Variants in RBPJ observed in about 807,000 individuals in gnomAD.
RBPJ encodes the protein recombination signal binding protein for immunoglobulin kappa J region.
A neutral mutation model predicts 67.8 loss-of-function variants in RBPJ; 9 were observed. That is an observed-to-expected ratio of 0.13 (90% CI 0.08 to 0.23). The LOEUF (loss-of-function observed/expected upper bound fraction) is 0.23, where lower values mean the gene tolerates loss of function less well. Among genes scored for constraint, RBPJ ranks in the 10% least tolerant of loss-of-function variants. The pLI is 1.00. For missense variants in RBPJ, 305 were observed against 595.6 expected (o/e 0.51, Z 5.08); for synonymous variants, 198 against 203.3 (o/e 0.97, Z 0.22).
intron 1 of RBPJ, among the ~76,000 whole-genome samples, chr4:26,267,539 G>A (rs1187836705): frequency 6.6e-6 from 1 of 151,846 alleles, no homozygotes; most frequent in Non-Finnish European, 1.5e-5. Context: ...CACCTGGCAG[G>A]AAACTTCACA....
the RBPJ span, among the ~76,000 whole-genome samples, chr4:26,141,829 T>C: frequency 6.6e-6 from 1 of 152,164 alleles, no homozygotes; most frequent in South Asian, 2.1e-4. Context: ...AGCCTCCAGT[T>C]CCTGCCATTC....
intron 1 of RBPJ, among the ~76,000 whole-genome samples, chr4:26,299,551 G>A (rs1169190516): frequency 6.6e-6 from 1 of 151,296 alleles, no homozygotes; most frequent in Non-Finnish European, 1.5e-5. Context: ...TCATGTGGGA[G>A]AAAGAAAGGA....
At chr4:26,168,630 A>T (rs1716418798) in intron 1 of RBPJ, among the ~76,000 whole-genome samples, 1 of 152,120 alleles carries the variant, frequency 6.6e-6, no homozygotes, top group East Asian at 1.9e-4. Flanking sequence ...GCCTTGCTAG[A>T]TTGGGGAAGT....
intron 1 of RBPJ, among the ~76,000 whole-genome samples, chr4:26,363,085 T>A (rs936965168): frequency 4.6e-5 from 7 of 152,212 alleles, no homozygotes; most frequent in Non-Finnish European, 8.8e-5. Flanking sequence ...TAGTACAGTT[T>A]TTTTCTTTTC....
At chr4:26,161,097 C>T (rs1716068252), upstream of RBPJ, among the ~76,000 whole-genome samples, 1 of 152,194 alleles carries the variant, frequency 6.6e-6, no homozygotes, top group African/African-American at 2.4e-5. Flanking sequence ...ATAGAATGGG[C>T]AGAAGTGACA....
At chr4:26,384,416 TTAA>T (rs758808969) in intron 1 of RBPJ, 10 of 152,172 alleles carry the variant, frequency 6.6e-5, no homozygotes, top group Non-Finnish European at 1.5e-4. Flanking sequence ...ATCATCAAAG[TTAA>T]TAATCTTGTG....
At chr4:26,242,426 A>G (rs1326028847) in intron 1 of RBPJ, among the ~76,000 whole-genome samples, 13 of 150,416 alleles carry the variant, frequency 8.6e-5, no homozygotes, top group Non-Finnish European at 1.8e-4. Flanking sequence ...CAGCCTGGAC[A>G]ACAGAGCGAG....
At chr4:26,361,839 C>T (rs966456539) in intron 1 of RBPJ, among the ~76,000 whole-genome samples, 1 of 151,964 alleles carries the variant, frequency 6.6e-6, no homozygotes, top group African/African-American at 2.4e-5. Context: ...TGTAAGAAAG[C>T]TGGGGTGGGG....
At chr4:26,117,963 GTATA>G in the RBPJ span, among the ~76,000 whole-genome samples, 1 of 150,776 alleles carries the variant, frequency 6.6e-6, no homozygotes, top group Non-Finnish European at 1.5e-5. Flanking sequence ...ACATATTTGT[GTATA>G]TATATATATT....
At chr4:26,308,084 G>A (rs867961224) in intron 1 of RBPJ, among the ~76,000 whole-genome samples, 3 of 152,208 alleles carry the variant, frequency 2.0e-5, no homozygotes, top group Non-Finnish European at 1.5e-5. Flanking sequence ...AGACCATCCT[G>A]GCTAACATGG....
chr4:26,361,992 G>A (rs565524462), intron 1 of RBPJ, among the ~76,000 whole-genome samples: 12 of 152,206 alleles, frequency 7.9e-5, no homozygotes, highest in Middle Eastern at 3.4e-3. Context: ...GTTTAATGAC[G>A]TCCATGGAAT....
chr4:26,129,432 G>A, the RBPJ span, among the ~76,000 whole-genome samples: 3 of 152,178 alleles, frequency 2.0e-5, no homozygotes, highest in African/African-American at 4.8e-5. Flanking sequence ...TGAACATTAA[G>A]TAAAATTGGA....
Position 26,407,167 on chromosome 4 carries a change from G to GT in RBPJ, c.155+903dup, listed in dbSNP as rs1733503652. On this transcript the variant is annotated intron_variant, in intron 3 of 10. Coordinates refer to ENST00000355476, the MANE Select transcript of RBPJ (RefSeq NM_015874.6). ...AGCTTTCTTTTTGGTGGAAAATGTA[G>GT]TTTTTTACGCAAATGTGACCCCAAA... Among the ~76,000 whole-genome samples, 10 of 152,286 alleles carry GT rather than the reference G, an allele frequency of 6.6e-5. No homozygotes were observed. In the South Asian group the frequency reaches 2.1e-3, roughly 32 times the overall value.
At chr4:26,155,498 G>A in the RBPJ span, among the ~76,000 whole-genome samples, 1 of 147,190 alleles carries the variant, frequency 6.8e-6, no homozygotes, top group Non-Finnish European at 1.5e-5. Context: ...GCAGTGGCAC[G>A]ATCTCAGCTC....
At chr4:26,126,699 C>T in the RBPJ span, among the ~76,000 whole-genome samples, 2 of 152,226 alleles carry the variant, frequency 1.3e-5, no homozygotes, top group South Asian at 4.1e-4. Context: ...AGGCGGCCAG[C>T]ATTGGTTCTG....
intron 1 of RBPJ, among the ~76,000 whole-genome samples, chr4:26,175,295 G>C (rs750050493): frequency 4.6e-5 from 7 of 152,080 alleles, no homozygotes; most frequent in African/African-American, 1.7e-4. Flanking sequence ...GAGGGCTCCT[G>C]GGCAGCTTGT....
At chr4:26,316,674 A>ACATTGTG (rs1491311175), upstream of RBPJ, among the ~76,000 whole-genome samples, 1 of 97,732 alleles carries the variant, frequency 1.0e-5, no homozygotes, top group Non-Finnish European at 1.8e-5. Context: ...ATATATACAC[A>ACATTGTG]TATATATATA....
At chr4:26,298,486 A>G (rs2109296937) in intron 1 of RBPJ, among the ~76,000 whole-genome samples, 1 of 152,330 alleles carries the variant, frequency 6.6e-6, no homozygotes, top group East Asian at 1.9e-4. Flanking sequence ...TACAAACTCC[A>G]CGGGGGATCT....
intron 1 of RBPJ, among the ~76,000 whole-genome samples, chr4:26,229,641 C>A (rs1215973877): frequency 6.6e-6 from 1 of 152,264 alleles, no homozygotes; most frequent in South Asian, 2.1e-4. Context: ...GGGTTTACAT[C>A]CCATCTCTGC....
Sources: allele counts gnomAD v4.1 joint callset (sites outside exome capture counted in the v4.1 genomes callset), GRCh38; gene constraint gnomAD v4.1.1; transcripts MANE v1.5; gene names NCBI Gene and HGNC (gene_info 2026-07-23, HGNC 2026-07-21).